NHLH2: variants seen among roughly 807,000 people sequenced by gnomAD.
NHLH2 encodes the protein helix-loop-helix protein 2.
In NHLH2, 7 loss-of-function variants were observed where a neutral mutation model predicts 7.3. That is an observed-to-expected ratio of 0.96 (90% confidence interval 0.55 to 1.81). The LOEUF (loss-of-function observed/expected upper bound fraction) is 1.81, where lower values mean the gene tolerates loss of function less well. Ranked by LOEUF, NHLH2 falls within the 40% of genes most tolerant of loss-of-function variation. The pLI is 0.00. For missense variants in NHLH2, 155 were observed against 194.0 expected (o/e 0.80, Z 1.19); for synonymous variants, 93 against 91.6 (o/e 1.01, Z -0.09).
At chr1:115,835,229 C>G (rs1408773631), downstream of NHLH2, among the ~76,000 whole-genome samples, 1 of 152,176 alleles carries the variant, frequency 6.6e-6, no homozygotes, top group Non-Finnish European at 1.5e-5. Flanking sequence ...GGCCCCTAAA[C>G]TGGGAAAGAC....
intron 2 of NHLH2, chr1:115,839,882 G>A (rs1289331474): frequency 6.0e-6 from 1 of 167,044 alleles, no homozygotes; most frequent in Admixed American, 6.5e-5. Flanking sequence ...AAAAACAAAT[G>A]CTCCCAGAGA....
downstream of NHLH2, among the ~76,000 whole-genome samples, chr1:115,833,885 T>C (rs1276315013): frequency 6.6e-6 from 1 of 152,176 alleles, no homozygotes; most frequent in Non-Finnish European, 1.5e-5. Context: ...AGAAAACTGG[T>C]AGCCAGAGAC....
In NHLH2 at chr1:115,838,485, C is replaced by T. The variant is rs972059515; in HGVS notation, c.-8-105G>A. 5 of 1,332,280 alleles carry T rather than the reference C, an allele frequency of 3.8e-6. No individual in the cohort carries two copies. In the East Asian group the frequency reaches 7.8e-5, roughly 21 times the overall value. The allele number at this position is 1,332,280 out of a possible 1,614,324, so 82.5% of individuals were successfully genotyped here. On this transcript the variant is annotated intron_variant, in intron 2 of 2. Transcript: ENST00000320238. ...CCGGTCCTCCCAGCGGACGCGCGGCCCGGGCCCCCTCCCCACAGCAGGCCG... is the reference window on the plus strand; with the variant it reads ...CCGGTCCTCCCAGCGGACGCGCGGCTCGGGCCCCCTCCCCACAGCAGGCCG...
downstream of NHLH2, among the ~76,000 whole-genome samples, chr1:115,832,376 C>G (rs990110708): frequency 1.2e-4 from 18 of 152,250 alleles, no homozygotes; most frequent in African/African-American, 4.1e-4. Flanking sequence ...GTGGAAACCA[C>G]AAATCATTAC....
intron 1 of NHLH2, 199 bp from the exon 2 acceptor site, chr1:115,840,743 A>ATTTTTTTTT (rs34163403): frequency 1.8e-3 from 250 of 141,910 alleles, no homozygotes; most frequent in African/African-American, 5.1e-3. Context: ...CTCAGAAGTG[A>ATTTTTTTTT]TTTTTTTTTT....
downstream of NHLH2, among the ~76,000 whole-genome samples, chr1:115,834,449 G>A (rs1482045859): frequency 1.3e-5 from 2 of 152,154 alleles, no homozygotes; most frequent in Non-Finnish European, 2.9e-5. Context: ...TGAGGCTGGG[G>A]CCAGCTGCGG....
chr1:115,832,389 T>A (rs1650774418), downstream of NHLH2, among the ~76,000 whole-genome samples: 1 of 152,230 alleles, frequency 6.6e-6, no homozygotes, highest in African/African-American at 2.4e-5. Context: ...ATCATTACTA[T>A]ATTAAAGAAT....
intron 2 of NHLH2, 115 bp from the exon 3 acceptor site, chr1:115,838,495 T>G: frequency 8.3e-6 from 10 of 1,208,800 alleles, no homozygotes; most frequent in Non-Finnish European, 7.0e-6. Context: ...CCGGGCCCCC[T>G]CCCCACAGCA....
chr1:115,837,905 T>C lies in NHLH2; in HGVS notation c.*60A>G. Reference sequence around the variant, plus strand: ...TCCGCCACCCGAGCGACGGCGCCCGTCCGGATCCGTAGCGTTTCGCGGACG... The same window carrying C: ...TCCGCCACCCGAGCGACGGCGCCCGCCCGGATCCGTAGCGTTTCGCGGACG... On this transcript the variant is annotated 3_prime_UTR_variant, in exon 3 of 3. Transcript: ENST00000320238. 1 of 1,541,766 alleles carries C rather than the reference T, an allele frequency of 6.5e-7. No individual in the cohort carries two copies. Among genetic ancestry groups the C allele is most frequent in the Non-Finnish European group, 8.7e-7 (1 of 1,145,708 alleles).
rs1338550970 is a variant in NHLH2, at chr1:115,838,369, T to A, written c.4A>T (p.Met2Leu). The change falls in exon 3 of 3, where the codon ATG becomes TTG. Residue 2 changes from methionine to leucine, a missense_variant. Transcript: ENST00000320238. ...TCTGCTGCTTGGTCCGGACTCAGCA[T>A]CATTTTGGAGGCTGAGGAGGGGTCG... Reference protein sequence around the residue: MMLSPDQAADSD... With the variant: MLLSPDQAADSD... 17 of 1,608,856 alleles carry A rather than the reference T, an allele frequency of 1.1e-5. No homozygotes were observed. The highest frequency in any genetic ancestry group is 6.6e-5 in the South Asian group (6 of 90,892).
At chr1:115,838,510 G>T in intron 2 of NHLH2, 130 bp from the exon 3 acceptor site, 1 of 1,042,200 alleles carries the variant, frequency 9.6e-7, no homozygotes, top group Non-Finnish European at 1.4e-6. Context: ...ACAGCAGGCC[G>T]GCGCGCGACG....
chr1:115,833,392 G>C (rs193197670), downstream of NHLH2, among the ~76,000 whole-genome samples: 137 of 152,304 alleles, frequency 9.0e-4, no homozygotes, highest in African/African-American at 3.1e-3. Flanking sequence ...GGGCAGCTGT[G>C]TGTACTGCAG....
downstream of NHLH2, among the ~76,000 whole-genome samples, chr1:115,831,445 CAGTA>C (rs1184183710): frequency 4.6e-5 from 7 of 152,166 alleles, no homozygotes; most frequent in Admixed American, 6.5e-5. Flanking sequence ...ATGAAGACAT[CAGTA>C]AGTATCTCTT....
chr1:115,837,921 T>G lies in NHLH2; in HGVS notation c.*44A>C, dbSNP rs761465070. On this transcript the variant is annotated 3_prime_UTR_variant, in exon 3 of 3. Coordinates refer to ENST00000320238, the MANE Select transcript of NHLH2 (RefSeq NM_005599.3). ...CGGCGCCCGTCCGGATCCGTAGCGT[T>G]TCGCGGACGCCGGGACAGGCGGCCC... The G allele has an allele frequency of 5.0e-5, 78 of 1,569,186 alleles. No homozygotes were observed. The highest frequency in any genetic ancestry group is 7.8e-6 in the Non-Finnish European group (9 of 1,160,176).
chr1:115,839,400 T>A (rs1435343539), intron 2 of NHLH2: 2 of 166,744 alleles, frequency 1.2e-5, no homozygotes, highest in Non-Finnish European at 2.9e-5. Context: ...GCTGCAGCTG[T>A]CCCCGGGTGG....
rs2101200238 is a variant in NHLH2 at position 115,838,348 on chromosome 1, C to A, written c.25G>T (p.Ala9Ser). MMLSPDQA[A>S]DSDHPSSAHS... ...GCCGAGCTGGGATGGTCCGAATCTGCTGCTTGGTCCGGACTCAGCATCATT... is the reference window on the plus strand; with the variant it reads ...GCCGAGCTGGGATGGTCCGAATCTGATGCTTGGTCCGGACTCAGCATCATT... The change falls in exon 3 of 3, where the codon GCA (alanine) becomes TCA (serine). Residue 9 changes from alanine to serine, a missense_variant. Physicochemically the swap from Ala to Ser is moderately conservative, Grantham distance 99. Transcript: ENST00000320238. The A allele has an allele frequency of 6.2e-7, 1 of 1,609,340 alleles. No individual in the cohort carries two copies.
chr1:115,833,198 G>C (rs368774443), downstream of NHLH2, among the ~76,000 whole-genome samples: 3 of 152,188 alleles, frequency 2.0e-5, no homozygotes, highest in African/African-American at 7.2e-5. Context: ...TCACCCATGT[G>C]GTAGTGAATG....
chr1:115,838,473 C>G, intron 2 of NHLH2, 93 bp from the exon 3 acceptor site: 1 of 1,417,962 alleles, frequency 7.1e-7, no homozygotes, highest in Non-Finnish European at 9.7e-7. Flanking sequence ...GTCCTCCCAG[C>G]GGACGCGCGG....
Position 115,836,624 on chromosome 1 carries a change from G to A in NHLH2, c.*1341C>T, listed in dbSNP as rs1423911586. On this transcript the variant is annotated 3_prime_UTR_variant, in exon 3 of 3. Transcript: ENST00000320238. ...CAGCAGAGAACATGAAACATTTTCA[G>A]GTTATAGACTTTTCTTTTTGGTGTC... 6.6e-6 allele frequency: 1 copy of A among 152,380 alleles called. No individual in the cohort carries two copies. The highest frequency in any genetic ancestry group is 1.9e-4 in the East Asian group (1 of 5,188). The allele number at this position is 152,380 out of a possible 1,614,324, so 9.4% of individuals were successfully genotyped here. A position where few individuals can be genotyped will look rare whatever the true frequency, so the allele number is the denominator to read the frequency against.
Sources: gnomAD v4.1 joint callset for allele counts (sites outside exome capture counted in the v4.1 genomes callset) on GRCh38, gnomAD v4.1.1 for gene constraint, MANE v1.5 for transcripts, NCBI Gene and HGNC (gene_info 2026-07-23, HGNC 2026-07-21) for gene names.